Variants in LTBP1 observed in about 807,000 individuals in gnomAD.
LTBP1 encodes latent-transforming growth factor beta-binding protein 1.
LTBP1 carries 129 observed loss-of-function variants against 207.6 expected under a neutral mutation model. That is an observed-to-expected ratio of 0.62 (90% CI 0.54 to 0.72). The LOEUF is 0.72. Ranked by LOEUF, LTBP1 falls within the 30% of genes least tolerant of loss-of-function variation. The pLI is 0.00. For synonymous variants in LTBP1, 963 were observed against 833.7 expected (o/e 1.16, Z -2.67); for missense variants, 2,281 against 2,217.2 (o/e 1.03, Z -0.58).
At chr2:33,384,980 C>T (rs999663790) in intron 31 of LTBP1, among the ~76,000 whole-genome samples, 1 of 152,126 alleles carries the variant, frequency 6.6e-6, no homozygotes, top group African/African-American at 2.4e-5. Flanking sequence ...ATGGTGAAAT[C>T]CACTTCTATA....
At chr2:33,101,417 A>G (rs17012565) in intron 3 of LTBP1, among the ~76,000 whole-genome samples, 16,901 of 152,208 alleles carry the variant, frequency 0.11, 1,093 homozygotes, top group African/African-American at 0.16. Context: ...AGAATTGAAT[A>G]TCAGGTATTG....
chr2:33,313,640 C>A (rs2094218665), intron 23 of LTBP1, among the ~76,000 whole-genome samples: 1 of 152,192 alleles, frequency 6.6e-6, no homozygotes, highest in African/African-American at 2.4e-5. Flanking sequence ...GGAGGTATGC[C>A]TCCTGAATGC....
intron 3 of LTBP1, among the ~76,000 whole-genome samples, chr2:33,065,406 T>A (rs2149682610): frequency 6.6e-6 from 1 of 152,116 alleles, no homozygotes; most frequent in East Asian, 1.9e-4. Flanking sequence ...ATAAAAATAT[T>A]AGCTGGGTGT....
intron 20 of LTBP1, among the ~76,000 whole-genome samples, chr2:33,299,107 C>T (rs969110834): frequency 6.6e-6 from 1 of 151,920 alleles, no homozygotes; most frequent in African/African-American, 2.4e-5. Flanking sequence ...AACTCCCTCT[C>T]TACTAAAAAT....
rs751831937 is a variant in LTBP1 at position 33,347,528 on chromosome 2, T to C, written c.4000+18T>C. 6.2e-7 allele frequency: 1 copy of C among 1,613,642 alleles called. No individual in the cohort carries two copies. Among genetic ancestry groups the C allele is most frequent in the African/African-American group, 1.3e-5 (1 of 75,040 alleles). ...CTCCACAGGTAAGTCCCAGTGACAC[T>C]GTGCAAGGGAATGACAGGCTCCTCT... On this transcript the variant is annotated intron_variant, in intron 26 of 33. Coordinates refer to ENST00000404816, the MANE Select transcript of LTBP1 (RefSeq NM_206943.4).
At chr2:33,312,584 G>C (rs2094203917) in intron 23 of LTBP1, among the ~76,000 whole-genome samples, 1 of 152,038 alleles carries the variant, frequency 6.6e-6, no homozygotes, top group Non-Finnish European at 1.5e-5. Context: ...GTTACTAGCA[G>C]CATAGTTTAG....
Position 33,057,358 on chromosome 2 carries a change from G to A in LTBP1, c.863+36152G>A, listed in dbSNP as rs1237282998. Among the ~76,000 whole-genome samples the A allele has an allele frequency of 6.6e-5, 10 of 152,242 alleles. No homozygotes were observed. The East Asian group carries it at 1.9e-3, about 29-fold the overall frequency. ...CCCACTAGACTCAGGAGCCCAGCTG[G>A]CTTCACCCAGTGGGTCTCCCACTGG... On this transcript the variant is annotated intron_variant, in intron 3 of 33. Coordinates refer to ENST00000404816, the MANE Select transcript of LTBP1 (RefSeq NM_206943.4).
chr2:33,360,184 A>G (rs2094911170), intron 26 of LTBP1, among the ~76,000 whole-genome samples: 1 of 152,182 alleles, frequency 6.6e-6, no homozygotes, highest in Non-Finnish European at 1.5e-5. Flanking sequence ...TAACTACCTA[A>G]GGGTTAAATA....
At chr2:33,069,330 C>T (rs183956925) in intron 3 of LTBP1, among the ~76,000 whole-genome samples, 131 of 152,346 alleles carry the variant, frequency 8.6e-4, no homozygotes, top group African/African-American at 3.0e-3. Flanking sequence ...TAGTCTGCAC[C>T]TCTTCCTCCT....
chr2:33,247,803 C>T (rs1390879862), intron 10 of LTBP1, among the ~76,000 whole-genome samples: 1 of 152,232 alleles, frequency 6.6e-6, no homozygotes, highest in African/African-American at 2.4e-5. Context: ...CAACATGTGG[C>T]TAGTGCCTAA....
chr2:33,277,962 T>C (rs780838932), intron 18 of LTBP1, among the ~76,000 whole-genome samples: 8 of 151,412 alleles, frequency 5.3e-5, no homozygotes, highest in Non-Finnish European at 1.0e-4. Flanking sequence ...CCTGAGTAGC[T>C]GGGACTACAG....
At chr2:33,306,658 G>A (rs1352878997) in intron 22 of LTBP1, among the ~76,000 whole-genome samples, 1 of 151,414 alleles carries the variant, frequency 6.6e-6, no homozygotes, top group African/African-American at 2.4e-5. Context: ...GTTTTTTCTT[G>A]TAGAAATTCA....
intron 31 of LTBP1, among the ~76,000 whole-genome samples, chr2:33,378,388 G>T (rs1176514375): frequency 6.6e-6 from 1 of 151,856 alleles, no homozygotes; most frequent in Non-Finnish European, 1.5e-5. Context: ...ACCACACCTG[G>T]CTAATATTTT....
At chr2:32,963,348 A>G (rs1679434268) in intron 2 of LTBP1, among the ~76,000 whole-genome samples, 1 of 150,100 alleles carries the variant, frequency 6.7e-6, no homozygotes. Flanking sequence ...AGGACTACAG[A>G]TGCATGCCAC....
intron 15 of LTBP1, among the ~76,000 whole-genome samples, chr2:33,270,444 G>T (rs796250525): frequency 9.2e-5 from 14 of 151,948 alleles, no homozygotes; most frequent in African/African-American, 3.1e-4. Context: ...AAAAAAATTA[G>T]CCGGGCGTGG....
At chr2:33,184,487 T>C (rs2086978798) in intron 5 of LTBP1, among the ~76,000 whole-genome samples, 1 of 152,218 alleles carries the variant, frequency 6.6e-6, no homozygotes, top group African/African-American at 2.4e-5. Flanking sequence ...CACTTTCTGA[T>C]GTTGTCTGAA....
intron 2 of LTBP1, among the ~76,000 whole-genome samples, chr2:33,010,184 C>T (rs974402130): frequency 6.6e-6 from 1 of 152,176 alleles, no homozygotes; most frequent in African/African-American, 2.4e-5. Flanking sequence ...GGACCAAGAA[C>T]TCCCACTGGA....
intron 32 of LTBP1, among the ~76,000 whole-genome samples, chr2:33,396,377 C>T (rs1234476165): frequency 5.3e-5 from 8 of 152,048 alleles, no homozygotes; most frequent in South Asian, 4.1e-4. Flanking sequence ...TCCACCACCA[C>T]GCCCGGCTAA....
chr2:33,244,046 T>A (rs774535440), intron 10 of LTBP1, among the ~76,000 whole-genome samples: 5 of 152,184 alleles, frequency 3.3e-5, no homozygotes, highest in Non-Finnish European at 7.4e-5. Context: ...CGAGGAAATA[T>A]GCTTTGATGA....
Sources: allele counts gnomAD v4.1 joint callset (sites outside exome capture counted in the v4.1 genomes callset), GRCh38; gene constraint gnomAD v4.1.1; transcripts MANE v1.5; gene names NCBI Gene and HGNC (gene_info 2026-07-23, HGNC 2026-07-21).